Variants in AMPD2 observed in about 807,000 individuals in gnomAD.
AMPD2 encodes adenosine monophosphate deaminase 2.
Under a neutral mutation model 91.3 loss-of-function variants are expected in AMPD2, and 52 were observed. The ratio of observed to expected loss-of-function variants is 0.57; its 90% CI spans 0.46 to 0.72. AMPD2 has a LOEUF of 0.72. Among genes scored for constraint, AMPD2 ranks in the 30% least tolerant of loss-of-function variants. AMPD2 has a pLI of 0.00. For missense variants in AMPD2, 822 were observed against 1,122.3 expected, an observed-to-expected ratio of 0.73 and a Z score of 3.82; for synonymous variants, 455 against 456.4, an observed-to-expected ratio of 1.00 and a Z score of 0.04.
At position 109,624,435 on chromosome 1, in the gene AMPD2, C is replaced by T. The variant is rs960446314; in HGVS notation, c.92-868C>T. ...CAGCAGCTTCACGGCCCTCTGGTGC[C>T]AGCCTCCTCGTGGTACAGATGGAAA... On this transcript the variant is annotated intron_variant, in intron 2 of 18. Transcript: ENST00000528667. This position sits in a 1 kb window ranked among gnomAD's most constrained non-coding sequence, Gnocchi z 5.2. Among the ~76,000 whole-genome samples, 15 of 152,192 alleles carry T rather than the reference C, an allele frequency of 9.9e-5. No homozygotes were observed. The highest frequency in any genetic ancestry group is 1.8e-4 in the Non-Finnish European group (12 of 68,022).
At position 109,626,342 on chromosome 1, in the gene AMPD2, G is replaced by C; in HGVS notation, c.446G>C (p.Gly149Ala). 6.2e-7 allele frequency: 1 copy of C among 1,613,192 alleles called. No individual in the cohort carries two copies. Among genetic ancestry groups the C allele is most frequent in the Non-Finnish European group, 8.5e-7 (1 of 1,179,470 alleles). Reference protein sequence around the residue: ...DLQLYKEQGEGQGDRSLRERD... With the variant: ...DLQLYKEQGEAQGDRSLRERD... ...AGGCTCTACAAGGAACAGGGTGAGGGGCAGGGTGACCGGAGCCTGCGGGAG... is the reference window on the plus strand; with the variant it reads ...AGGCTCTACAAGGAACAGGGTGAGGCGCAGGGTGACCGGAGCCTGCGGGAG... Residue 149 changes from glycine to alanine, a missense_variant, in exon 6 of 19, where the codon GGG becomes GCG. Transcript: ENST00000528667.
Position 109,630,344 on chromosome 1 carries a change from C to T in AMPD2, c.2095C>T (p.Leu699=). Residue 699 remains leucine, a synonymous_variant, in exon 17 of 19, where the codon CTG becomes TTG. Transcript: ENST00000528667. ...SYHRNPLPEY[L]SRGLMVSLST... is the part of the protein sequence containing the mutation. ...TCACCGGAATCCGCTACCGGAGTAC[C>T]TGTCCCGCGGCCTCATGGTCTCCCT... The T allele has an allele frequency of 1.2e-6, 2 of 1,614,070 alleles. No homozygotes were observed. Among genetic ancestry groups the T allele is most frequent in the African/African-American group, 2.7e-5 (2 of 75,024 alleles).
Position 109,625,466 on chromosome 1 carries a change from G to T in AMPD2, c.222+33G>T. Reference sequence around the variant, plus strand: ...CTGGCACCACCCGCACCCTCACCCCGTGTCTCCATGCCCTGCCTCTGCTCC... The same window carrying T: ...CTGGCACCACCCGCACCCTCACCCCTTGTCTCCATGCCCTGCCTCTGCTCC... On this transcript the variant is annotated intron_variant, in intron 3 of 18. Coordinates refer to ENST00000528667, the MANE Select transcript of AMPD2 (RefSeq NM_001368809.2). This position sits in a 1 kb window ranked among gnomAD's most constrained non-coding sequence, Gnocchi z 4.0. 3 of 1,613,362 alleles carry T rather than the reference G, an allele frequency of 1.9e-6. No homozygotes were observed. Among genetic ancestry groups the T allele is most frequent in the Non-Finnish European group, 2.5e-6 (3 of 1,179,772 alleles).
chr1:109,622,314 G>A (rs1055574541), intron 2 of AMPD2: 20 of 456,144 alleles, frequency 4.4e-5, no homozygotes, highest in East Asian at 6.9e-5. Context: ...CAACTGATAC[G>A]GATCTAGCCC....
Position 109,627,945 on chromosome 1 carries a change from C to T in AMPD2, c.1080+42C>T, listed in dbSNP as rs552486525. The T allele has an allele frequency of 1.7e-4, 279 of 1,611,644 alleles. 5 individuals are homozygous for T. The South Asian group carries it at 3.0e-3, about 17-fold the overall frequency. ...TGGCCGTCTCCATGTCCTCATCCCA[C>T]ACCTCTGCCCAGCCTCCCCTTCAAG... On this transcript the variant is annotated intron_variant, in intron 10 of 18. Coordinates refer to ENST00000528667, the MANE Select transcript of AMPD2 (RefSeq NM_001368809.2).
intron 13 of AMPD2, 95 bp from the exon 14 acceptor site, chr1:109,629,014 T>C: frequency 6.5e-7 from 1 of 1,543,874 alleles, no homozygotes; most frequent in Non-Finnish European, 8.8e-7. Context: ...GATGCGCCCC[T>C]GCGCTCTTGG....
Position 109,628,815 on chromosome 1 carries a change from C to T in AMPD2, c.1571+9C>T, listed in dbSNP as rs991003516. ...CAGGTGCCCCGCCTCTTGTGAGTGT[C>T]CCTGGAGTGGGAGGGGAACCTGCGG... On this transcript the variant is annotated intron_variant, in intron 13 of 18. Transcript: ENST00000528667. This position sits in a 1 kb window ranked among gnomAD's most constrained non-coding sequence, Gnocchi z 7.1. The T allele has an allele frequency of 3.2e-5, 50 of 1,554,456 alleles. No homozygotes were observed. The highest frequency in any genetic ancestry group is 4.0e-5 in the Non-Finnish European group (46 of 1,148,166).
rs1231875996 is a variant in AMPD2, at chr1:109,621,123, G to GC, written c.-49dup. 6.3e-7 allele frequency: 1 copy of GC among 1,595,702 alleles called. No individual in the cohort carries two copies. Among genetic ancestry groups the GC allele is most frequent in the Admixed American group, 1.7e-5 (1 of 58,326 alleles). ...AAGGGGTTGGATGTGGCAGAGCCAG[G>GC]CCCCAGCCGGTGCCGCTCAGACTCC... On this transcript the variant is annotated 5_prime_UTR_variant, in exon 2 of 19. Coordinates refer to ENST00000528667, the MANE Select transcript of AMPD2 (RefSeq NM_001368809.2).
Position 109,620,939 on chromosome 1 carries a change from T to C in AMPD2, c.-237T>C, listed in dbSNP as rs899936015. The C allele has an allele frequency of 6.6e-7, 1 of 1,510,314 alleles. No individual in the cohort carries two copies. The highest frequency in any genetic ancestry group is 1.4e-5 in the African/African-American group (1 of 71,584). 93.6% of individuals were successfully genotyped at this position (1,510,314 alleles called of 1,614,324 possible). A position where few individuals can be genotyped will look rare whatever the true frequency, so the allele number is the denominator to read the frequency against. On this transcript the variant is annotated 5_prime_UTR_variant, in exon 2 of 19. Coordinates refer to ENST00000528667, the MANE Select transcript of AMPD2 (RefSeq NM_001368809.2). ...GCCCAGCCACCATCAGTCACGTCAC[T>C]CCTGGGACTGAGGAGGCAGGGGAGG... is the stretch of plus-strand genomic sequence containing the variant.
intron 15 of AMPD2, 35 bp from the exon 16 acceptor site, chr1:109,629,761 G>A: frequency 6.4e-7 from 1 of 1,555,202 alleles, no homozygotes; most frequent in Admixed American, 1.9e-5. Flanking sequence ...GGTGATCCCA[G>A]GCTCAGGAGC....
At position 109,626,312 on chromosome 1, in the gene AMPD2, C is replaced by T; in HGVS notation, c.423-7C>T. ...CTAAACCCCTCCCTTGAATGCACCC[C>T]CTGCAGGCTCTACAAGGAACAGGGT... On this transcript the variant is annotated splice_region_variant and splice_polypyrimidine_tract_variant and intron_variant, in intron 5 of 18. Transcript: ENST00000528667. 1 of 1,613,632 alleles carries T rather than the reference C, an allele frequency of 6.2e-7. No individual in the cohort carries two copies. Among genetic ancestry groups the T allele is most frequent in the Non-Finnish European group, 8.5e-7 (1 of 1,179,696 alleles).
chr1:109,629,187 C>T lies in AMPD2; in HGVS notation c.1650C>T (p.Ala550=). ...LENIFLPLFE[A]TVHPASHPEL... Reference sequence around the variant, plus strand: ...ACATCTTCCTGCCACTGTTCGAGGCCACTGTGCACCCTGCCAGCCACCCGG... The same window carrying T: ...ACATCTTCCTGCCACTGTTCGAGGCTACTGTGCACCCTGCCAGCCACCCGG... The change falls in exon 14 of 19, where the codon GCC becomes GCT. Residue 550 remains alanine, a synonymous_variant. Transcript: ENST00000528667. 6.2e-7 allele frequency: 1 copy of T among 1,614,154 alleles called. No individual in the cohort carries two copies. The highest frequency in any genetic ancestry group is 8.5e-7 in the Non-Finnish European group (1 of 1,180,026).
intron 6 of AMPD2, 86 bp from the exon 7 acceptor site, chr1:109,626,640 G>T (rs1345779865): frequency 1.3e-5 from 19 of 1,518,588 alleles, no homozygotes; most frequent in Non-Finnish European, 1.6e-5. Context: ...GGGAGGTGGG[G>T]ATAGTTTGGG....
rs1025371471 is a variant in AMPD2 at position 109,631,102 on chromosome 1, G to A, written c.2428G>A (p.Glu810Lys). The A allele has an allele frequency of 2.5e-6, 4 of 1,609,054 alleles. No homozygotes were observed. Among genetic ancestry groups the A allele is most frequent in the Non-Finnish European group, 3.4e-6 (4 of 1,177,948 alleles). The change falls in exon 19 of 19, where the codon GAG becomes AAG. Residue 810 changes from glutamate to lysine, a missense_variant. Physicochemically the swap from Glu to Lys is moderately conservative, Grantham distance 56. Around this residue, in one of 5 missense-constraint regions of AMPD2, gnomAD observed 430 missense variants for 606.0 expected, o/e 0.71. Transcript: ENST00000528667. ...GCAGGCAGTCCAGAGTGAGATGCTG[G>A]AGACCATTCCAGAGGAGGCGGGTAT... ...ITQAVQSEML[E>K]TIPEEAGITM...
intron 1 of AMPD2, 94 bp downstream of exon 1, chr1:109,620,372 C>T (rs774295367): frequency 9.6e-6 from 15 of 1,564,724 alleles, no homozygotes; most frequent in African/African-American, 1.4e-5. Flanking sequence ...AGCACAGCAG[C>T]AGGACCTAGG....
chr1:109,624,635 G>T lies in AMPD2; in HGVS notation c.92-668G>T, dbSNP rs75550512. Among the ~76,000 whole-genome samples, 2,285 of 152,252 alleles carry T rather than the reference G, an allele frequency of 0.015. 53 individuals carry two copies. Among genetic ancestry groups the T allele is most frequent in the African/African-American group, 0.052 (2,172 of 41,560 alleles). ...TTTTGGCAGCCCTGGGGCCCTGGGG[G>T]ACAGGGCGGGCCTCCAGGGAGGAGG... On this transcript the variant is annotated intron_variant, in intron 2 of 18. Transcript: ENST00000528667. The surrounding 1 kb of genome is among the most constrained non-coding windows in gnomAD (Gnocchi z 5.2).
chr1:109,623,952 C>A, intron 2 of AMPD2: 1 of 969,666 alleles, frequency 1.0e-6, no homozygotes, highest in Non-Finnish European at 1.2e-6. Context: ...GTGCTCACGG[C>A]CATCTCAGGG....
Position 109,620,145 on chromosome 1 carries a change from G to A in AMPD2, c.-396G>A, listed in dbSNP as rs1360398294. ...CCTTACTTTCCCCATCTCAGTGCCA[G>A]GGCAGGGGCCCTTGGAGTGACTTGG... On this transcript the variant is annotated 5_prime_UTR_variant, in exon 1 of 19. Transcript: ENST00000528667. 7.3e-7 allele frequency: 1 copy of A among 1,374,650 alleles called. No individual in the cohort carries two copies. The highest frequency in any genetic ancestry group is 1.4e-5 in the African/African-American group (1 of 69,852). 85.2% of individuals were successfully genotyped at this position (1,374,650 alleles called of 1,614,324 possible). A position where few individuals can be genotyped will look rare whatever the true frequency, so the allele number is the denominator to read the frequency against.
In AMPD2 at chr1:109,625,601, C is replaced by T. The variant is rs1424033433; in HGVS notation, c.223-61C>T. 3.7e-6 allele frequency: 6 copies of T among 1,606,144 alleles called. No homozygotes were observed. The highest frequency in any genetic ancestry group is 5.1e-6 in the Non-Finnish European group (6 of 1,174,256). ...GCTGCCCTCACCCCATCCCCAGACT[C>T]TGTAGGAGAGTGCCCGAGGGCGGAG... On this transcript the variant is annotated intron_variant, in intron 3 of 18. Transcript: ENST00000528667. The surrounding 1 kb of genome is among the most constrained non-coding windows in gnomAD (Gnocchi z 4.0).
Sources: allele counts gnomAD v4.1 joint callset (sites outside exome capture counted in the v4.1 genomes callset), GRCh38; gene constraint gnomAD v4.1.1; regional missense constraint gnomAD v4.1.1; non-coding constraint Gnocchi (gnomAD v3.1); transcripts MANE v1.5; gene names NCBI Gene and HGNC (gene_info 2026-07-23, HGNC 2026-07-21).